TCP1: variants seen among roughly 807,000 people sequenced by gnomAD.
The protein encoded by TCP1 is T-complex protein 1 subunit alpha.
Under a neutral mutation model 54.7 loss-of-function variants are expected in TCP1, and 6 were observed. The ratio of observed to expected loss-of-function variants is 0.11; its 90% CI spans 0.06 to 0.22. TCP1 has a LOEUF of 0.22. Ranked by LOEUF, TCP1 falls within the 10% of genes least tolerant of loss-of-function variation. The pLI, the probability that TCP1 is intolerant of heterozygous loss-of-function variation, is 1.00. For missense variants in TCP1, 511 were observed against 678.2 expected, an observed-to-expected ratio of 0.75 and a Z score of 2.74; for synonymous variants, 225 against 229.7, an observed-to-expected ratio of 0.98 and a Z score of 0.19.
chr6:159,788,223 A>C lies in TCP1; in HGVS notation c.65-80T>G. ...AAGACAGTAATTTCAGCCTAAAGGT[A>C]AATGACATCCAACAGCCCCCGTATT... On this transcript the variant is annotated intron_variant, in intron 1 of 11. Transcript: ENST00000321394. 2.9e-6 allele frequency: 4 copies of C among 1,361,344 alleles called. No homozygotes were observed. In the South Asian group the frequency reaches 4.8e-5, roughly 16 times the overall value. 84.3% of individuals were successfully genotyped at this position (1,361,344 alleles called of 1,614,324 possible).
In TCP1 at chr6:159,779,616, A is replaced by T; in HGVS notation, c.1454+11T>A. On this transcript the variant is annotated intron_variant, in intron 11 of 11. Transcript: ENST00000321394. ...TGCAGAGGTTAACAAAGAGCGGGAAACCATGCTTACCATTTTAGATTTTTA... is the reference window on the plus strand; with the variant it reads ...TGCAGAGGTTAACAAAGAGCGGGAATCCATGCTTACCATTTTAGATTTTTA... 6.3e-7 allele frequency: 1 copy of T among 1,592,796 alleles called. No homozygotes were observed.
At chr6:159,783,377 C>CTTTT (rs1413059714) in intron 7 of TCP1, among the ~76,000 whole-genome samples, 2 of 78,368 alleles carry the variant, frequency 2.6e-5, no homozygotes, top group Admixed American at 3.4e-4. Flanking sequence ...ACTGTTTAAA[C>CTTTT]TATTTTTTTT....
In TCP1 at chr6:159,778,919, T is replaced by C. The variant is rs1780502072; in HGVS notation, c.*126A>G. The C allele has an allele frequency of 3.2e-6, 5 of 1,578,434 alleles. No individual in the cohort carries two copies. Among genetic ancestry groups the C allele is most frequent in the Admixed American group, 3.5e-5 (2 of 56,738 alleles). Reference sequence around the variant, plus strand: ...TGAAATCAGAGGACCAAAGTACAGATGGAAACCATTTCCTACATCACAAAA... The same window carrying C: ...TGAAATCAGAGGACCAAAGTACAGACGGAAACCATTTCCTACATCACAAAA... On this transcript the variant is annotated 3_prime_UTR_variant, in exon 12 of 12. Transcript: ENST00000321394.
At chr6:159,787,114 G>A (rs1780718299) in intron 3 of TCP1, among the ~76,000 whole-genome samples, 1 of 149,064 alleles carries the variant, frequency 6.7e-6, no homozygotes, top group African/African-American at 2.5e-5. Context: ...TTAGTTGCTT[G>A]TGGTGGCACA....
At chr6:159,780,793 TATAA>T in intron 8 of TCP1, 138 bp downstream of exon 8, 1 of 1,235,338 alleles carries the variant, frequency 8.1e-7, no homozygotes, top group Non-Finnish European at 1.1e-6. Context: ...AAAATGGCTC[TATAA>T]ATGTGTTGGT....
rs1780635794 is a variant in TCP1, at chr6:159,784,031, C to A, written c.707G>T (p.Cys236Phe). 1.9e-6 allele frequency: 3 copies of A among 1,613,818 alleles called. No individual in the cohort carries two copies. In the East Asian group the frequency reaches 6.7e-5, roughly 36 times the overall value. The change falls in exon 7 of 12, where the codon TGC becomes TTC. Residue 236 changes from cysteine (C) to phenylalanine (F), a missense_variant. Cys to Phe is a radical substitution (Grantham distance 205). Transcript: ENST00000321394. Reference protein sequence around the residue: ...PKRIVNAKIACLDFSLQKTKM... With the variant: ...PKRIVNAKIAFLDFSLQKTKM... ...TGTTTTTTGCAGGCTGAAGTCAAGG[C>A]AAGCAATTTTTGCATTTACGATTCT...
chr6:159,789,352 G>A (rs1583147149), intron 1 of TCP1, 53 bp downstream of exon 1: 10 of 1,604,178 alleles, frequency 6.2e-6, no homozygotes, highest in South Asian at 3.3e-5. Flanking sequence ...CGGTCGCGGT[G>A]GGACTCGGCC....
At chr6:159,789,292 C>G in intron 1 of TCP1, 113 bp downstream of exon 1, 1 of 1,271,840 alleles carries the variant, frequency 7.9e-7, no homozygotes. Context: ...TGCGGGGCCC[C>G]GAGGCCCTTT....
chr6:159,782,640 A>G (rs1208422230), intron 7 of TCP1, among the ~76,000 whole-genome samples: 4 of 152,216 alleles, frequency 2.6e-5, no homozygotes, highest in Admixed American at 6.5e-5. Flanking sequence ...TCAAAAGCAG[A>G]TTTGCGGTAT....
At chr6:159,783,377 C>CTTTTTTT (rs1413059714) in intron 7 of TCP1, among the ~76,000 whole-genome samples, 3 of 78,366 alleles carry the variant, frequency 3.8e-5, no homozygotes, top group African/African-American at 1.4e-4. Context: ...ACTGTTTAAA[C>CTTTTTTT]TATTTTTTTT....
intron 7 of TCP1, among the ~76,000 whole-genome samples, chr6:159,781,616 C>G (rs35807654): frequency 0.48 from 73,201 of 151,900 alleles, 19,055 homozygotes; most frequent in Non-Finnish European, 0.58. Flanking sequence ...ACTAAAAATA[C>G]AAAAAATTAG....
At position 159,785,510 on chromosome 6, in the gene TCP1, TG is replaced by T; in HGVS notation, c.378-15del. ...CGCACTGCTTCCCTGTTTAAAAGTG[TG>T]GGGGAGAAAAACGCTTATAAAGTCA... On this transcript the variant is annotated splice_polypyrimidine_tract_variant and intron_variant, in intron 4 of 11. Coordinates refer to ENST00000321394, the MANE Select transcript of TCP1 (RefSeq NM_030752.3). The T allele has an allele frequency of 6.3e-7, 1 of 1,596,640 alleles. No homozygotes were observed. Among genetic ancestry groups the T allele is most frequent in the Non-Finnish European group, 8.6e-7 (1 of 1,165,096 alleles).
intron 3 of TCP1, among the ~76,000 whole-genome samples, chr6:159,786,626 T>C (rs1780703792): frequency 6.6e-6 from 1 of 152,370 alleles, no homozygotes; most frequent in Non-Finnish European, 1.5e-5. Context: ...CAGCTTCTTA[T>C]GGAAGGAAAA....
intron 7 of TCP1, among the ~76,000 whole-genome samples, chr6:159,781,528 T>G (rs1780575895): frequency 6.6e-6 from 1 of 152,194 alleles, no homozygotes; most frequent in African/African-American, 2.4e-5. Context: ...ATCCCAGCAC[T>G]TTGGGAGGCT....
chr6:159,785,177 C>A (rs953703131), intron 5 of TCP1: 18 of 608,144 alleles, frequency 3.0e-5, no homozygotes, highest in Non-Finnish European at 5.2e-5. Flanking sequence ...CTACTACGCA[C>A]GCGTGCGCGC....
chr6:159,789,374 CAA>C (rs1296971260), intron 1 of TCP1, 29 bp downstream of exon 1: 1 of 1,612,844 alleles, frequency 6.2e-7, no homozygotes, highest in Non-Finnish European at 8.5e-7. Flanking sequence ...TCCCCGGCCG[CAA>C]ACCCGACCCA....
chr6:159,787,070 C>A (rs901297079), intron 3 of TCP1, among the ~76,000 whole-genome samples: 1 of 55,434 alleles, frequency 1.8e-5, no homozygotes, highest in Non-Finnish European at 3.4e-5. Context: ...TAGCGAGACC[C>A]TGTCTCTTAA....
intron 3 of TCP1, among the ~76,000 whole-genome samples, chr6:159,786,453 C>T (rs1251595167): frequency 5.3e-5 from 8 of 152,012 alleles, no homozygotes; most frequent in South Asian, 2.1e-4. Flanking sequence ...TCAATACAAC[C>T]GTAAAAGACA....
intron 8 of TCP1, 52 bp downstream of exon 8, chr6:159,780,883 T>C: frequency 1.3e-6 from 2 of 1,519,366 alleles, no homozygotes; most frequent in Non-Finnish European, 1.8e-6. Flanking sequence ...AGACCTTTGA[T>C]AGGATCAGGG....
Sources: gnomAD v4.1 joint callset for allele counts (sites outside exome capture counted in the v4.1 genomes callset) on GRCh38, gnomAD v4.1.1 for gene constraint, MANE v1.5 for transcripts, NCBI Gene and HGNC (gene_info 2026-07-23, HGNC 2026-07-21) for gene names.